The following NWD2 variants were observed in gnomAD, a reference collection of about 807,000 sequenced individuals.
The protein encoded by NWD2 is NACHT and WD repeat domain containing 2.
A neutral mutation model predicts 132.7 loss-of-function variants in NWD2; 37 were observed. The ratio of observed to expected loss-of-function variants is 0.28; its 90% CI spans 0.21 to 0.37. The LOEUF is 0.37. Ranked by LOEUF, NWD2 falls within the 10% of genes least tolerant of loss-of-function variation. NWD2 has a pLI of 1.00. For missense variants in NWD2, 1,592 were observed against 2,122.4 expected (o/e 0.75, Z 4.91); for synonymous variants, 705 against 803.0 (o/e 0.88, Z 2.06).
chr4:37,341,209 T>G lies in NWD2; in HGVS notation c.241-15157T>G, dbSNP rs535607950. Among the ~76,000 whole-genome samples, 16 of 152,314 alleles carry G rather than the reference T, an allele frequency of 1.1e-4. 1 individual carries two copies. The South Asian group carries it at 2.7e-3, about 26-fold the overall frequency. On this transcript the variant is annotated intron_variant, in intron 2 of 6. Transcript: ENST00000309447. ...TCAACACTTTATTATAAAATTGGCT[T>G]TGTGTTAAATGCTTTTTCCCAGCTG...
chr4:37,415,716 A>AAT (rs1553854822), intron 3 of NWD2, among the ~76,000 whole-genome samples: 10 of 151,730 alleles, frequency 6.6e-5, no homozygotes, highest in African/African-American at 2.2e-4. Flanking sequence ...AAAAAAAAAA[A>AAT]AAAATAGGCA....
chr4:37,248,263 C>T (rs1717284551), intron 1 of NWD2, among the ~76,000 whole-genome samples: 1 of 152,142 alleles, frequency 6.6e-6, no homozygotes. Flanking sequence ...AGAGTATGAA[C>T]AGCTGGCAGG....
chr4:37,262,744 A>C (rs988788571), intron 1 of NWD2, among the ~76,000 whole-genome samples: 16 of 152,228 alleles, frequency 1.1e-4, no homozygotes, highest in African/African-American at 3.4e-4. Flanking sequence ...ACCCTTGAGA[A>C]TAAGATTCAT....
At chr4:37,272,011 A>G (rs910647822) in intron 1 of NWD2, among the ~76,000 whole-genome samples, 3 of 151,638 alleles carry the variant, frequency 2.0e-5, no homozygotes, top group African/African-American at 7.3e-5. Flanking sequence ...TTTATTATGA[A>G]TCGGTTTGAA....
intron 2 of NWD2, among the ~76,000 whole-genome samples, chr4:37,350,027 C>T (rs902452549): frequency 7.9e-5 from 12 of 152,076 alleles, no homozygotes; most frequent in Admixed American, 6.6e-4. Context: ...AGGCCTCTTT[C>T]CTGTTCCATT....
At chr4:37,308,046 CT>C (rs1258238526) in intron 1 of NWD2, among the ~76,000 whole-genome samples, 5 of 152,070 alleles carry the variant, frequency 3.3e-5, no homozygotes, top group Admixed American at 2.0e-4. Context: ...TCTCTTATAT[CT>C]TTCTGAGTTC....
chr4:37,328,842 T>A (rs1337726950), intron 2 of NWD2, among the ~76,000 whole-genome samples: 1 of 152,178 alleles, frequency 6.6e-6, no homozygotes, highest in Non-Finnish European at 1.5e-5. Context: ...TTGCATAGTG[T>A]GTGCCAGTAT....
At chr4:37,370,477 C>T (rs922797202) in intron 3 of NWD2, among the ~76,000 whole-genome samples, 1 of 152,094 alleles carries the variant, frequency 6.6e-6, no homozygotes, top group Non-Finnish European at 1.5e-5. Context: ...AAAATGGGAG[C>T]ATGTTTGTGG....
intron 2 of NWD2, among the ~76,000 whole-genome samples, chr4:37,338,307 G>A (rs1577672814): frequency 6.6e-6 from 1 of 152,346 alleles, no homozygotes; most frequent in East Asian, 1.9e-4. Flanking sequence ...CATCACTGGG[G>A]ACTGGGCCCA....
chr4:37,334,097 T>G (rs1253196285), intron 2 of NWD2, among the ~76,000 whole-genome samples: 1 of 152,122 alleles, frequency 6.6e-6, no homozygotes, highest in African/African-American at 2.4e-5. Flanking sequence ...TTAAGAATTG[T>G]TGGCATTAAA....
chr4:37,381,148 G>A (rs1166300427), intron 3 of NWD2, among the ~76,000 whole-genome samples: 1 of 152,116 alleles, frequency 6.6e-6, no homozygotes, highest in East Asian at 1.9e-4. Context: ...AGCCTGAAAT[G>A]TGCCCTGTGG....
intron 1 of NWD2, among the ~76,000 whole-genome samples, chr4:37,298,759 A>G (rs906769684): frequency 6.6e-5 from 10 of 152,202 alleles, no homozygotes; most frequent in African/African-American, 2.4e-4. Context: ...CTATTTCCTC[A>G]CAAAATACCT....
At chr4:37,308,479 T>G (rs1471690196) in intron 1 of NWD2, among the ~76,000 whole-genome samples, 1 of 152,178 alleles carries the variant, frequency 6.6e-6, no homozygotes, top group Non-Finnish European at 1.5e-5. Flanking sequence ...TGGAGGGGTA[T>G]GCTGGTCAGG....
At chr4:37,326,189 T>C (rs2109287845) in intron 2 of NWD2, among the ~76,000 whole-genome samples, 165 bp downstream of exon 2, 1 of 152,314 alleles carries the variant, frequency 6.6e-6, no homozygotes, top group Middle Eastern at 3.4e-3. Context: ...ATAAAGTATT[T>C]CATCATTTTT....
chr4:37,282,236 G>C (rs1440007086), intron 1 of NWD2, among the ~76,000 whole-genome samples: 3 of 151,928 alleles, frequency 2.0e-5, no homozygotes, highest in Non-Finnish European at 4.4e-5. Context: ...TTAAGAATAG[G>C]GTGTGCATTC....
intron 1 of NWD2, among the ~76,000 whole-genome samples, chr4:37,315,562 A>G (rs185640136): frequency 1.3e-5 from 2 of 151,782 alleles, no homozygotes; most frequent in Admixed American, 1.3e-4. Context: ...CTATCCTTTT[A>G]CTTTCAACAT....
At chr4:37,348,675 T>TATATATATATATATACACAC (rs1308407988) in intron 2 of NWD2, among the ~76,000 whole-genome samples, 2 of 22,572 alleles carry the variant, frequency 8.9e-5, no homozygotes, top group African/African-American at 1.8e-4. Context: ...TATATATATA[T>TATATATATATATATACACAC]ACACACACAC....
intron 1 of NWD2, among the ~76,000 whole-genome samples, chr4:37,297,530 T>G (rs1276217128): frequency 6.6e-6 from 1 of 152,122 alleles, no homozygotes; most frequent in Non-Finnish European, 1.5e-5. Flanking sequence ...AATACAAATA[T>G]CAAAATCAGG....
intron 3 of NWD2, among the ~76,000 whole-genome samples, chr4:37,381,344 C>A (rs966010000): frequency 6.6e-6 from 1 of 152,188 alleles, no homozygotes; most frequent in Non-Finnish European, 1.5e-5. Flanking sequence ...TAATGGAGCT[C>A]CTCCAAATAG....
Sources: allele counts gnomAD v4.1 joint callset (sites outside exome capture counted in the v4.1 genomes callset), GRCh38; gene constraint gnomAD v4.1.1; transcripts MANE v1.5; gene names NCBI Gene and HGNC (gene_info 2026-07-23, HGNC 2026-07-21).